Variants in SPRED1 observed in about 807,000 individuals in gnomAD.
The protein encoded by SPRED1 is sprouty related EVH1 domain containing 1.
SPRED1 carries 18 observed loss-of-function variants against 52.3 expected under a neutral mutation model. The observed-to-expected ratio is 0.34, with a 90% confidence interval of 0.24 to 0.51. SPRED1 has a LOEUF of 0.51. Among genes scored for constraint, SPRED1 ranks in the 20% least tolerant of loss-of-function variants. The pLI is 0.97. For synonymous variants in SPRED1, 155 were observed against 179.7 expected (o/e 0.86, Z 1.10); for missense variants, 485 against 551.0 (o/e 0.88, Z 1.20).
chr15:38,351,402 C>T lies in SPRED1; in HGVS notation c.1073C>T (p.Pro358Leu). The change falls in exon 7 of 7, where the codon CCT becomes CTT. Residue 358 changes from proline (P) to leucine (L), a missense_variant. By Grantham distance (98) the Pro-to-Leu change is moderately conservative. Coordinates refer to ENST00000299084, the MANE Select transcript of SPRED1 (RefSeq NM_152594.3). Reference protein sequence around the residue: ...VRGKCQDAPDPIKRCIYQVSC... With the variant: ...VRGKCQDAPDLIKRCIYQVSC... ...GGAAAATGTCAGGATGCTCCAGACC[C>T]TATTAAAAGATGCATATATCAAGTT... 6.2e-7 allele frequency: 1 copy of T among 1,614,078 alleles called. No individual in the cohort carries two copies. The highest frequency in any genetic ancestry group is 8.5e-7 in the Non-Finnish European group (1 of 1,180,008).
At chr15:38,289,229 G>GAAAAA (rs10627721) in intron 1 of SPRED1, among the ~76,000 whole-genome samples, 15 of 149,410 alleles carry the variant, frequency 1.0e-4, no homozygotes, top group Non-Finnish European at 1.2e-4. Flanking sequence ...CTTTGAAATG[G>GAAAAA]AAAAAAAAAA....
intron 1 of SPRED1, chr15:38,283,470 C>T: frequency 1.0e-6 from 1 of 977,190 alleles, no homozygotes; most frequent in Non-Finnish European, 1.2e-6. Context: ...AAATATATTA[C>T]AGATTTTGTG....
At chr15:38,282,271 T>G (rs554931645) in intron 1 of SPRED1, among the ~76,000 whole-genome samples, 78 of 151,518 alleles carry the variant, frequency 5.1e-4, no homozygotes, top group African/African-American at 1.7e-3. Context: ...GGTCAGGAGT[T>G]TGAGACCAGC....
At chr15:38,336,541 T>C (rs1895927023) in intron 4 of SPRED1, among the ~76,000 whole-genome samples, 1 of 150,476 alleles carries the variant, frequency 6.6e-6, no homozygotes, top group Admixed American at 6.7e-5. Flanking sequence ...TGAAGTTTTC[T>C]ACTCTTCCCA....
chr15:38,350,310 A>T (rs11073319), intron 6 of SPRED1, among the ~76,000 whole-genome samples: 125,257 of 152,108 alleles, frequency 0.82, 52,379 homozygotes, highest in Non-Finnish European at 0.9. Flanking sequence ...CTGCCCGTAC[A>T]TCCCTGGTGT....
intron 1 of SPRED1, among the ~76,000 whole-genome samples, chr15:38,264,649 G>C (rs1894269414): frequency 6.6e-6 from 1 of 152,172 alleles, no homozygotes; most frequent in Admixed American, 6.5e-5. Context: ...TCCTAAGCCA[G>C]TGCCAGTGTA....
chr15:38,324,713 A>C, intron 3 of SPRED1, 50 bp from the exon 4 acceptor site: 1 of 1,393,642 alleles, frequency 7.2e-7, no homozygotes, highest in Non-Finnish European at 1.0e-6. Context: ...TTAATACTGG[A>C]CTCTAAGACA....
chr15:38,339,974 AC>A, intron 5 of SPRED1, 79 bp downstream of exon 5: 3 of 1,553,822 alleles, frequency 1.9e-6, no homozygotes, highest in South Asian at 2.3e-5. Flanking sequence ...GGACGTTAAA[AC>A]CATCTGCCCT....
chr15:38,328,640 A>G (rs1895754814), intron 4 of SPRED1, among the ~76,000 whole-genome samples: 1 of 152,196 alleles, frequency 6.6e-6, no homozygotes, highest in Non-Finnish European at 1.5e-5. Context: ...TTAAAAACCT[A>G]ACCAATATTA....
At chr15:38,254,109 T>C (rs1894042235) in intron 1 of SPRED1, among the ~76,000 whole-genome samples, 1 of 152,156 alleles carries the variant, frequency 6.6e-6, no homozygotes, top group African/African-American at 2.4e-5. Flanking sequence ...ACTTTTCTAT[T>C]GAGAAGGGAT....
At chr15:38,341,709 A>G (rs1040702392) in intron 5 of SPRED1, among the ~76,000 whole-genome samples, 12 of 152,050 alleles carry the variant, frequency 7.9e-5, no homozygotes, top group African/African-American at 2.9e-4. Flanking sequence ...AATAAAGATG[A>G]TTTCATGTAT....
Position 38,253,363 on chromosome 15 carries a change from G to T in SPRED1, c.32+146G>T. The T allele has an allele frequency of 9.0e-6, 7 of 777,210 alleles. No homozygotes were observed. The South Asian group carries it at 1.0e-4, about 11-fold the overall frequency. The allele number at this position is 777,210 out of a possible 1,614,324, so 48.1% of individuals were successfully genotyped here. ...CTTCTGGAGATAGCTGATTTCTTTA[G>T]CCATTTTTAGTGGCAGCACCCCTCC... On this transcript the variant is annotated intron_variant, in intron 1 of 6. Coordinates refer to ENST00000299084, the MANE Select transcript of SPRED1 (RefSeq NM_152594.3).
intron 1 of SPRED1, among the ~76,000 whole-genome samples, chr15:38,296,505 T>TC (rs1895042516): frequency 6.6e-6 from 1 of 152,294 alleles, no homozygotes; most frequent in African/African-American, 2.4e-5. Context: ...AAATTTGTCT[T>TC]CGTGTGTTTG....
intron 5 of SPRED1, among the ~76,000 whole-genome samples, chr15:38,348,484 T>G (rs1238573280): frequency 1.3e-5 from 2 of 152,014 alleles, no homozygotes; most frequent in Non-Finnish European, 2.9e-5. Flanking sequence ...AAAAATTTTT[T>G]TTATGATAGT....
At position 38,352,520 on chromosome 15, in the gene SPRED1, T is replaced by A. The variant is rs1208991104; in HGVS notation, c.*856T>A. 6.6e-6 allele frequency: 1 copy of A among 152,532 alleles called. No individual in the cohort carries two copies. The highest frequency in any genetic ancestry group is 1.5e-5 in the Non-Finnish European group (1 of 67,970). 9.4% of individuals were successfully genotyped at this position (152,532 alleles called of 1,614,324 possible). A position where few individuals can be genotyped will look rare whatever the true frequency, so the allele number is the denominator to read the frequency against. On this transcript the variant is annotated 3_prime_UTR_variant, in exon 7 of 7. Transcript: ENST00000299084. ...CACTTATTTTTATATAAAAAGAGAC[T>A]GAGTAAACAAACATTATAGAAAAAA... is the stretch of plus-strand genomic sequence containing the variant.
At chr15:38,276,009 G>A (rs942608373) in intron 1 of SPRED1, among the ~76,000 whole-genome samples, 21 of 151,936 alleles carry the variant, frequency 1.4e-4, no homozygotes, top group African/African-American at 3.9e-4. Context: ...TTGTCTTGCC[G>A]GACAAGGACA....
chr15:38,262,873 T>C (rs1009995701), intron 1 of SPRED1, among the ~76,000 whole-genome samples: 1 of 152,192 alleles, frequency 6.6e-6, no homozygotes, highest in African/African-American at 2.4e-5. Flanking sequence ...CACAACTATC[T>C]TTAGTCAGTA....
At chr15:38,342,431 A>C (rs1034987346) in intron 5 of SPRED1, among the ~76,000 whole-genome samples, 3 of 152,100 alleles carry the variant, frequency 2.0e-5, no homozygotes, top group Non-Finnish European at 4.4e-5. Flanking sequence ...CAAAAATACT[A>C]TTTTAAACAG....
At chr15:38,262,986 GCTT>G (rs1280641109) in intron 1 of SPRED1, among the ~76,000 whole-genome samples, 5 of 152,174 alleles carry the variant, frequency 3.3e-5, no homozygotes, top group African/African-American at 1.2e-4. Flanking sequence ...GTAAAGCAGG[GCTT>G]CTTAGGACAG....
Sources: gnomAD v4.1 joint callset for allele counts (sites outside exome capture counted in the v4.1 genomes callset) on GRCh38, gnomAD v4.1.1 for gene constraint, MANE v1.5 for transcripts, NCBI Gene and HGNC (gene_info 2026-07-23, HGNC 2026-07-21) for gene names.